CADPS2: variants seen among roughly 807,000 people sequenced by gnomAD.
CADPS2 encodes calcium-dependent secretion activator 2.
Under a neutral mutation model 172.5 loss-of-function variants are expected in CADPS2, and 93 were observed. The ratio of observed to expected loss-of-function variants is 0.54; its 90% confidence interval spans 0.46 to 0.64. The LOEUF is 0.64. CADPS2 is among the 30% of genes least tolerant of loss of function. The probability of loss-of-function intolerance (pLI) is 0.00; values close to 1 mark genes in which losing one functional copy is unlikely to be tolerated. For missense variants in CADPS2, 1,420 were observed against 1,565.9 expected, an observed-to-expected ratio of 0.91 and a Z score of 1.57; for synonymous variants, 546 against 555.2, an observed-to-expected ratio of 0.98 and a Z score of 0.23.
rs146461676 is a variant in CADPS2 at position 122,610,906 on chromosome 7, G to A, written c.1223+4275C>T. 7.9e-5 allele frequency among the ~76,000 whole-genome samples: 12 copies of A among 152,266 alleles called. No individual in the cohort carries two copies. In the East Asian group the frequency reaches 2.3e-3, roughly 29 times the overall value. On this transcript the variant is annotated intron_variant, in intron 6 of 29. Transcript: ENST00000449022. The stretch of plus-strand genomic sequence containing the variant: ...AAGACTTCAATTCTCTCGGCCACTG[G>A]AGTGACATGGTAGGACCTGGGGCTT...
chr7:122,822,341 A>C (rs1188246419), intron 1 of CADPS2, among the ~76,000 whole-genome samples: 1 of 151,846 alleles, frequency 6.6e-6, no homozygotes, highest in Admixed American at 6.6e-5. Flanking sequence ...GTTTCTTCTA[A>C]TATCCCCACA....
intron 1 of CADPS2, among the ~76,000 whole-genome samples, chr7:122,803,680 C>A (rs1397123083): frequency 6.6e-6 from 1 of 152,138 alleles, no homozygotes; most frequent in South Asian, 2.1e-4. Context: ...TTATAGTATT[C>A]TTTGATGGTA....
intron 17 of CADPS2, among the ~76,000 whole-genome samples, chr7:122,437,664 C>T (rs1180444430): frequency 1.3e-5 from 2 of 151,882 alleles, no homozygotes; most frequent in Non-Finnish European, 2.9e-5. Flanking sequence ...AAATGTGAGG[C>T]CTGTTACTTT....
rs1159112244 is a variant in CADPS2 at position 122,447,543 on chromosome 7, A to ATTTTTTTTT, written c.2288+3822_2288+3830dup. Among the ~76,000 whole-genome samples the ATTTTTTTTT allele has an allele frequency of 7.0e-3, 630 of 89,770 alleles. 108 individuals are homozygous for ATTTTTTTTT. The highest frequency in any genetic ancestry group is 0.048 in the Middle Eastern group (5 of 104). 58.9% of individuals were successfully genotyped at this position (89,770 alleles called of 152,430 possible). A position where few individuals can be genotyped will look rare whatever the true frequency, so the allele number is the denominator to read the frequency against. ...CCATGTTGATTTCTTGTTTCGGGGA[A>ATTTTTTTTT]TTTTTTTTTTTTTTTTTTTTTTTTT... On this transcript the variant is annotated intron_variant, in intron 15 of 29. Coordinates refer to ENST00000449022, the MANE Select transcript of CADPS2 (RefSeq NM_017954.11).
chr7:122,481,670 T>A (rs2057320939), intron 11 of CADPS2, among the ~76,000 whole-genome samples: 1 of 151,742 alleles, frequency 6.6e-6, no homozygotes, highest in Non-Finnish European at 1.5e-5. Context: ...GCCTGATCAG[T>A]CCTGCCTTGA....
At chr7:122,332,670 A>C (rs531843280) in intron 28 of CADPS2, among the ~76,000 whole-genome samples, 2 of 152,292 alleles carry the variant, frequency 1.3e-5, no homozygotes, top group African/African-American at 4.8e-5. Flanking sequence ...AAATACATGA[A>C]TATAATAACA....
At chr7:122,638,749 T>TC (rs1341960763) in intron 3 of CADPS2, among the ~76,000 whole-genome samples, 1 of 152,162 alleles carries the variant, frequency 6.6e-6, no homozygotes, top group Non-Finnish European at 1.5e-5. Context: ...ACTAATTCTA[T>TC]CCCTGTGTTG....
chr7:122,381,591 G>T (rs2043004311), intron 24 of CADPS2, among the ~76,000 whole-genome samples: 1 of 152,016 alleles, frequency 6.6e-6, no homozygotes, highest in Non-Finnish European at 1.5e-5. Flanking sequence ...AAAATCAAGG[G>T]ACGAGCCACA....
At position 122,768,483 on chromosome 7, in the gene CADPS2, G is replaced by A. The variant is rs185105739; in HGVS notation, c.340-31415C>T. ...GCTTAATCTTAAGGTCTAGAAATCT[G>A]AAGGCTTTAGAAATGCCATGTTACC... On this transcript the variant is annotated intron_variant, in intron 1 of 29. Coordinates refer to ENST00000449022, the MANE Select transcript of CADPS2 (RefSeq NM_017954.11). Among the ~76,000 whole-genome samples, 11 of 152,242 alleles carry A rather than the reference G, an allele frequency of 7.2e-5. No individual in the cohort carries two copies. The South Asian group carries it at 1.5e-3, about 20-fold the overall frequency.
chr7:122,541,135 G>A (rs909162468), intron 8 of CADPS2, among the ~76,000 whole-genome samples: 1 of 150,478 alleles, frequency 6.6e-6, no homozygotes, highest in Admixed American at 6.6e-5. Context: ...GAATGAAATA[G>A]AAAAAGCAGC....
chr7:122,571,634 A>G (rs1248856272), intron 7 of CADPS2, among the ~76,000 whole-genome samples: 2 of 152,200 alleles, frequency 1.3e-5, no homozygotes, highest in Non-Finnish European at 2.9e-5. Flanking sequence ...TTAATAAGCC[A>G]GACCTAATTA....
chr7:122,732,924 A>AATATATATTATATAAT (rs2091826194), intron 2 of CADPS2, among the ~76,000 whole-genome samples: 3 of 146,666 alleles, frequency 2.0e-5, no homozygotes, highest in African/African-American at 5.0e-5. Context: ...TATTATGTAT[A>AATATATATTATATAAT]ATACATATTA....
At chr7:122,750,603 C>G (rs947965844) in intron 1 of CADPS2, among the ~76,000 whole-genome samples, 1 of 152,106 alleles carries the variant, frequency 6.6e-6, no homozygotes, top group African/African-American at 2.4e-5. Context: ...AAGGAAATTT[C>G]CACAGCAGAA....
chr7:122,645,454 T>TAGC (rs1192834361), intron 3 of CADPS2, among the ~76,000 whole-genome samples: 4 of 100,320 alleles, frequency 4.0e-5, no homozygotes, highest in Non-Finnish European at 2.3e-5. Context: ...CACACACATA[T>TAGC]GTATATATGT....
chr7:122,533,475 A>T (rs995601970), intron 8 of CADPS2, among the ~76,000 whole-genome samples: 12 of 152,138 alleles, frequency 7.9e-5, no homozygotes, highest in Non-Finnish European at 1.5e-4. Context: ...AACCACTCAA[A>T]TCAACAAACT....
At chr7:122,836,474 C>T (rs991727041) in intron 1 of CADPS2, among the ~76,000 whole-genome samples, 3 of 152,132 alleles carry the variant, frequency 2.0e-5, no homozygotes, top group Non-Finnish European at 2.9e-5. Flanking sequence ...AATTAAATGA[C>T]ACAGACTGGC....
intron 8 of CADPS2, among the ~76,000 whole-genome samples, chr7:122,552,470 A>G (rs372617471): frequency 1.3e-5 from 2 of 152,218 alleles, no homozygotes; most frequent in Middle Eastern, 3.4e-3. Context: ...TCTTGGGCAG[A>G]AGGCAATTGC....
intron 2 of CADPS2, among the ~76,000 whole-genome samples, chr7:122,690,178 A>G (rs1254097839): frequency 6.6e-6 from 1 of 152,212 alleles, no homozygotes; most frequent in Admixed American, 6.5e-5. Context: ...AAGCACGGAT[A>G]CTAACCAGGG....
chr7:122,729,612 T>C (rs1471184019), intron 2 of CADPS2, among the ~76,000 whole-genome samples: 1 of 151,548 alleles, frequency 6.6e-6, no homozygotes, highest in Admixed American at 6.6e-5. Context: ...TTCATATACA[T>C]GTTGGCCATT....
Sources: gnomAD v4.1 joint callset for allele counts (sites outside exome capture counted in the v4.1 genomes callset) on GRCh38, gnomAD v4.1.1 for gene constraint, MANE v1.5 for transcripts, NCBI Gene and HGNC (gene_info 2026-07-23, HGNC 2026-07-21) for gene names.